Variants in RPAP3 observed in about 807,000 individuals in gnomAD.
RPAP3 encodes the protein RNA polymerase II associated protein 3, also known as RNA polymerase II-associated protein 3.
In RPAP3, 58 loss-of-function variants were observed where a neutral mutation model predicts 88.8. The observed-to-expected ratio is 0.65, with a 90% CI of 0.53 to 0.81. RPAP3 has a LOEUF of 0.81. RPAP3 is among the 40% of genes least tolerant of loss of function. The pLI is 0.00. For synonymous variants in RPAP3, 255 were observed against 259.9 expected (o/e 0.98, Z 0.18); for missense variants, 751 against 764.3 (o/e 0.98, Z 0.20).
intron 12 of RPAP3, among the ~76,000 whole-genome samples, chr12:47,674,407 T>C (rs372988612): frequency 2.4e-4 from 37 of 152,272 alleles, no homozygotes; most frequent in Middle Eastern, 3.4e-3. Context: ...CTTTGACAAG[T>C]TGACAGAAGT....
In RPAP3 at chr12:47,666,913, C is replaced by T. The variant is rs778224123; in HGVS notation, c.1912+67G>A. Reference sequence around the variant, plus strand: ...ACAATAAGTAGTCAATAAATGTCAGCTATTATTTGTTGAATGAATACAGGA... The same window carrying T: ...ACAATAAGTAGTCAATAAATGTCAGTTATTATTTGTTGAATGAATACAGGA... On this transcript the variant is annotated intron_variant, in intron 16 of 16. Coordinates refer to ENST00000005386, the MANE Select transcript of RPAP3 (RefSeq NM_024604.3). The T allele has an allele frequency of 5.1e-4, 342 of 666,066 alleles. 2 individuals carry two copies. Among genetic ancestry groups the T allele is most frequent in the Admixed American group, 3.7e-4 (12 of 32,790 alleles). The allele number at this position is 666,066 out of a possible 1,614,324, so 41.3% of individuals were successfully genotyped here.
intron 1 of RPAP3, among the ~76,000 whole-genome samples, chr12:47,704,648 G>C (rs2136650089): frequency 6.6e-6 from 1 of 151,952 alleles, no homozygotes; most frequent in African/African-American, 2.4e-5. Flanking sequence ...AAAGTGCTGG[G>C]ATTATAGGCA....
At chr12:47,691,268 A>G (rs1939422206) in intron 5 of RPAP3, among the ~76,000 whole-genome samples, 1 of 152,264 alleles carries the variant, frequency 6.6e-6, no homozygotes, top group African/African-American at 2.4e-5. Context: ...AATAAATTCT[A>G]TCTCAAGAAA....
rs145952362 is a variant in RPAP3, at chr12:47,681,714, G to A, written c.1096C>T (p.Leu366=). The change falls in exon 10 of 17, where the codon CTA becomes TTA. Residue 366 remains leucine, a synonymous_variant. Coordinates refer to ENST00000005386, the MANE Select transcript of RPAP3 (RefSeq NM_024604.3). ...GTCTTACCTTGTTTTGCCTCATTTAGCTTTCCCAAAAATGTTCTTGCAGTT... is the reference window on the plus strand; with the variant it reads ...GTCTTACCTTGTTTTGCCTCATTTAACTTTCCCAAAAATGTTCTTGCAGTT... ...RGTARTFLGK[L]NEAKQDFETV... is the part of the protein sequence containing the mutation. 1.1e-4 allele frequency: 177 copies of A among 1,612,190 alleles called. No individual in the cohort carries two copies. The highest frequency in any genetic ancestry group is 1.3e-4 in the Non-Finnish European group (156 of 1,179,280).
intron 9 of RPAP3, among the ~76,000 whole-genome samples, chr12:47,686,169 A>C (rs1939317002): frequency 6.6e-6 from 1 of 152,204 alleles, no homozygotes; most frequent in Non-Finnish European, 1.5e-5. Context: ...ACAAAGTCTA[A>C]GTCTAAGTTT....
At chr12:47,691,271 T>G (rs1447056167) in intron 5 of RPAP3, among the ~76,000 whole-genome samples, 1 of 152,222 alleles carries the variant, frequency 6.6e-6, no homozygotes. Context: ...AAATTCTATC[T>G]CAAGAAACCA....
Position 47,686,847 on chromosome 12 carries a change from T to TC in RPAP3, c.924dup (p.Ile309AspfsTer7). The TC allele has an allele frequency of 6.2e-7, 1 of 1,606,254 alleles. No individual in the cohort carries two copies. Among genetic ancestry groups the TC allele is most frequent in the Non-Finnish European group, 8.5e-7 (1 of 1,174,938 alleles). On this transcript the variant is annotated frameshift_variant, in exon 9 of 17. Coordinates refer to ENST00000005386, the MANE Select transcript of RPAP3 (RefSeq NM_024604.3). LOFTEE classifies it high-confidence loss of function. ...AGGGCATTAGCACCATCTGCTGCTA[T>TC]CCCTCGAGTATAGCATTCAATTGCT...
chr12:47,688,601 T>C (rs1939370177), intron 7 of RPAP3, among the ~76,000 whole-genome samples: 1 of 152,360 alleles, frequency 6.6e-6, no homozygotes, highest in Non-Finnish European at 1.5e-5. Flanking sequence ...TTTTAGGAGC[T>C]GTTTTCAGAC....
intron 12 of RPAP3, among the ~76,000 whole-genome samples, chr12:47,675,463 A>G (rs1246412661): frequency 6.6e-6 from 1 of 152,178 alleles, no homozygotes; most frequent in African/African-American, 2.4e-5. Context: ...AATTGGATAG[A>G]GTAAAGACCC....
chr12:47,665,238 A>C (rs1425139095), intron 16 of RPAP3, among the ~76,000 whole-genome samples: 1 of 151,544 alleles, frequency 6.6e-6, no homozygotes, highest in Non-Finnish European at 1.5e-5. Context: ...CTGGGATTAC[A>C]GGTGTCTGCC....
chr12:47,688,578 G>A (rs936253262), intron 7 of RPAP3, among the ~76,000 whole-genome samples: 10 of 151,912 alleles, frequency 6.6e-5, no homozygotes, highest in Non-Finnish European at 1.5e-4. Flanking sequence ...ATTTCTATAC[G>A]GGCCAGACAC....
At chr12:47,672,262 C>CA (rs912554879) in intron 12 of RPAP3, among the ~76,000 whole-genome samples, 1 of 152,210 alleles carries the variant, frequency 6.6e-6, no homozygotes, top group African/African-American at 2.4e-5. Context: ...GCCAGCCCTT[C>CA]AAGCACAGAC....
chr12:47,698,971 C>A lies in RPAP3; in HGVS notation c.295-1252G>T, dbSNP rs578125389. Among the ~76,000 whole-genome samples the A allele has an allele frequency of 9.2e-5, 14 of 152,168 alleles. No homozygotes were observed. The South Asian group carries it at 2.9e-3, about 32-fold the overall frequency. ...CATTAAATGAACATTGAAACATGGA[C>A]TAAAATTTAGCTATGTGTTTTAGCA... On this transcript the variant is annotated intron_variant, in intron 3 of 16. Transcript: ENST00000005386.
rs1938803481 is a variant in RPAP3, at chr12:47,663,564, CTA to C, written c.1937_1938del (p.Ile646ArgfsTer8). 5.1e-6 allele frequency: 8 copies of C among 1,583,824 alleles called. No individual in the cohort carries two copies. Among genetic ancestry groups the C allele is most frequent in the Non-Finnish European group, 6.9e-6 (8 of 1,166,012 alleles). On this transcript the variant is annotated frameshift_variant, in exon 17 of 17. Transcript: ENST00000005386. LOFTEE classifies it high-confidence loss of function. ...GAACTATCCTTCAATCCTGACTTGT[CTA>C]TGTGATTAAATAATGCACGTGCAAC... ...KKIARALFNH[I>X]DKSGLKDSSV...
chr12:47,668,861 C>T, intron 14 of RPAP3, 55 bp downstream of exon 14: 1 of 1,351,778 alleles, frequency 7.4e-7, no homozygotes, highest in Non-Finnish European at 1.1e-6. Context: ...TATAAAGTGA[C>T]AGAAGTTCTC....
In RPAP3 at chr12:47,684,571, A is replaced by G. The variant is rs191450544; in HGVS notation, c.992+2209T>C. On this transcript the variant is annotated intron_variant, in intron 9 of 16. Transcript: ENST00000005386. ...AAAAGATACACTAGGAAAAGATACA[A>G]GTAAGAGTCATAAGTTCTTTTAATT... Among the ~76,000 whole-genome samples, 261 of 152,358 alleles carry G rather than the reference A, an allele frequency of 1.7e-3. 2 individuals are homozygous for G. The highest frequency in any genetic ancestry group is 6.0e-3 in the African/African-American group (250 of 41,578).
At chr12:47,680,232 A>C (rs1265611152) in intron 10 of RPAP3, among the ~76,000 whole-genome samples, 1 of 152,154 alleles carries the variant, frequency 6.6e-6, no homozygotes, top group Admixed American at 6.6e-5. Flanking sequence ...TTCCACTTAC[A>C]TAGGATATCT....
At chr12:47,688,339 A>G (rs927064931) in intron 7 of RPAP3, among the ~76,000 whole-genome samples, 4 of 145,548 alleles carry the variant, frequency 2.7e-5, no homozygotes, top group African/African-American at 9.9e-5. Context: ...GGAGAGAAAC[A>G]TTGGGGTGGG....
chr12:47,687,939 T>C lies in RPAP3; in HGVS notation c.801A>G (p.Glu267=), dbSNP rs1220473267. ...KEADIVIKST[E]GERKQIEAQQ... is the part of the protein sequence containing the mutation. ...GTGCTTCAATTTGCTTTCGCTCTCC[T>C]TCTGTTGACTTAATCACTATGTCAG... Residue 267 remains glutamate (E), a synonymous_variant, in exon 8 of 17, where the codon GAA becomes GAG. Transcript: ENST00000005386. 3 of 1,613,618 alleles carry C rather than the reference T, an allele frequency of 1.9e-6. No individual in the cohort carries two copies. The highest frequency in any genetic ancestry group is 2.2e-5 in the South Asian group (2 of 91,070).
Sources: allele counts gnomAD v4.1 joint callset (sites outside exome capture counted in the v4.1 genomes callset), GRCh38; gene constraint gnomAD v4.1.1; transcripts MANE v1.5; gene names NCBI Gene and HGNC (gene_info 2026-07-23, HGNC 2026-07-21).